Variants in PLEKHG1 observed in about 807,000 individuals in gnomAD.
PLEKHG1 encodes pleckstrin homology and RhoGEF domain containing G1.
In PLEKHG1, 44 loss-of-function variants were observed where a neutral mutation model predicts 100.8. That is an observed-to-expected ratio of 0.44 (90% CI 0.34 to 0.56). The LOEUF is 0.56. Among genes scored for constraint, PLEKHG1 ranks in the 20% least tolerant of loss-of-function variants. PLEKHG1 has a pLI of 0.01. For missense variants in PLEKHG1, 1,545 were observed against 1,720.9 expected, an observed-to-expected ratio of 0.90 and a Z score of 1.81; for synonymous variants, 640 against 662.5, an observed-to-expected ratio of 0.97 and a Z score of 0.52.
chr6:150,730,931 T>C (rs1350421515), intron 1 of PLEKHG1, among the ~76,000 whole-genome samples: 3 of 151,930 alleles, frequency 2.0e-5, no homozygotes, highest in Non-Finnish European at 2.9e-5. Context: ...ATTCAACTTA[T>C]GTTTAGTCCC....
intron 3 of PLEKHG1, among the ~76,000 whole-genome samples, chr6:150,699,673 A>G (rs974207486): frequency 6.6e-6 from 1 of 152,216 alleles, no homozygotes; most frequent in Non-Finnish European, 1.5e-5. Context: ...CTTAAGCCTC[A>G]GAACACCCCG....
chr6:150,756,604 G>C (rs1046456413), intron 2 of PLEKHG1, among the ~76,000 whole-genome samples: 5 of 152,076 alleles, frequency 3.3e-5, no homozygotes, highest in Non-Finnish European at 5.9e-5. Flanking sequence ...AAGTAAAATA[G>C]CTTGATTTTG....
chr6:150,758,808 A>G (rs1357054673), intron 2 of PLEKHG1, among the ~76,000 whole-genome samples: 2 of 152,186 alleles, frequency 1.3e-5, no homozygotes, highest in Non-Finnish European at 2.9e-5. Context: ...TTTCCATTTC[A>G]ATACGTGAGC....
intron 3 of PLEKHG1, among the ~76,000 whole-genome samples, chr6:150,685,171 A>G (rs1466239233): frequency 1.3e-5 from 2 of 151,944 alleles, no homozygotes; most frequent in African/African-American, 2.4e-5. Flanking sequence ...CCAAGACAGG[A>G]CCAAACCCCA....
At chr6:150,699,056 A>G (rs1449780238) in intron 3 of PLEKHG1, among the ~76,000 whole-genome samples, 2 of 152,220 alleles carry the variant, frequency 1.3e-5, no homozygotes, top group Non-Finnish European at 2.9e-5. Context: ...CGACCGAAAT[A>G]TAACTGTCCT....
chr6:150,808,956 T>C (rs1787314790), intron 7 of PLEKHG1, 149 bp from the exon 9 acceptor site: 1 of 622,768 alleles, frequency 1.6e-6, no homozygotes. Flanking sequence ...AATGCAGATT[T>C]ATGTCATAGA....
chr6:150,606,840 G>C (rs1418193458), intron 1 of PLEKHG1, among the ~76,000 whole-genome samples: 1 of 152,028 alleles, frequency 6.6e-6, no homozygotes, highest in East Asian at 1.9e-4. Context: ...TGGCTCACAT[G>C]GTGATTGGGT....
intron 1 of PLEKHG1, among the ~76,000 whole-genome samples, chr6:150,628,527 AACACACACACACACACACACACACAC>A (rs565121317): frequency 1.1e-5 from 1 of 94,756 alleles, no homozygotes. Flanking sequence ...TAGATAGGAA[AACACACACACACACACACACACACAC>A]ACACACACAC....
At chr6:150,750,862 T>C (rs1430841667) in intron 2 of PLEKHG1, among the ~76,000 whole-genome samples, 1 of 151,676 alleles carries the variant, frequency 6.6e-6, no homozygotes, top group African/African-American at 2.4e-5. Context: ...GAAAACAGAC[T>C]TTAAAATCTC....
chr6:150,835,517 T>C (rs755066031), intron 15 of PLEKHG1, among the ~76,000 whole-genome samples: 48 of 152,284 alleles, frequency 3.2e-4, no homozygotes, highest in Admixed American at 4.6e-4. Context: ...TTTTCAAATC[T>C]CAAAAAAGGC....
intron 1 of PLEKHG1, among the ~76,000 whole-genome samples, chr6:150,728,279 T>C (rs1369378841): frequency 6.6e-6 from 1 of 152,220 alleles, no homozygotes; most frequent in Non-Finnish European, 1.5e-5. Context: ...AATTTTTTAT[T>C]TTCTAGTAGC....
At chr6:150,678,233 G>T (rs1344537132) in intron 3 of PLEKHG1, among the ~76,000 whole-genome samples, 1 of 151,638 alleles carries the variant, frequency 6.6e-6, no homozygotes, top group African/African-American at 2.4e-5. Flanking sequence ...GATCACCAGA[G>T]CCTGTTCCTC....
At chr6:150,811,406 G>T (rs1167030264) in intron 10 of PLEKHG1, among the ~76,000 whole-genome samples, 1 of 151,986 alleles carries the variant, frequency 6.6e-6, no homozygotes, top group Non-Finnish European at 1.5e-5. Flanking sequence ...GAATAGCTGG[G>T]ACCACAGGCT....
At chr6:150,755,419 G>A (rs1045044319) in intron 2 of PLEKHG1, among the ~76,000 whole-genome samples, 2 of 152,148 alleles carry the variant, frequency 1.3e-5, no homozygotes, top group African/African-American at 4.8e-5. Context: ...ATGGTGGGGG[G>A]ATAATTCTTT....
At chr6:150,735,073 G>A (rs1051136318) in intron 2 of PLEKHG1, among the ~76,000 whole-genome samples, 5 of 139,250 alleles carry the variant, frequency 3.6e-5, no homozygotes, top group African/African-American at 1.1e-4. Context: ...CACAACCTCC[G>A]CCTCCCGGGT....
intron 3 of PLEKHG1, among the ~76,000 whole-genome samples, chr6:150,779,360 T>A (rs1785182073): frequency 6.7e-6 from 1 of 149,440 alleles, no homozygotes; most frequent in African/African-American, 2.5e-5. Flanking sequence ...TTTTTTTTTT[T>A]TTTGAGACAG....
At chr6:150,800,958 A>G (rs2073060) in intron 6 of PLEKHG1, 89 bp downstream of exon 7, 158,618 of 1,020,848 alleles carry the variant, frequency 0.16, 13,590 homozygotes, top group Non-Finnish European at 0.17. Context: ...AGAAAATGCT[A>G]TGGACATATG....
chr6:150,642,909 ATAG>A (rs1300882325), intron 2 of PLEKHG1, among the ~76,000 whole-genome samples: 1 of 152,142 alleles, frequency 6.6e-6, no homozygotes, highest in South Asian at 2.1e-4. Flanking sequence ...AGCACCTGTA[ATAG>A]TAGCGGTACT....
At chr6:150,656,766 A>G (rs1179330286) in intron 3 of PLEKHG1, among the ~76,000 whole-genome samples, 4 of 152,202 alleles carry the variant, frequency 2.6e-5, no homozygotes, top group Non-Finnish European at 5.9e-5. Flanking sequence ...GGCCAGCACA[A>G]ACACAGAAAT....
Sources: allele counts gnomAD v4.1 joint callset (sites outside exome capture counted in the v4.1 genomes callset), GRCh38; gene constraint gnomAD v4.1.1; transcripts MANE v1.5; gene names NCBI Gene and HGNC (gene_info 2026-07-23, HGNC 2026-07-21).